ASIC2: variants seen among roughly 807,000 people sequenced by gnomAD.
ASIC2 encodes the protein acid-sensing ion channel 2.
ASIC2 carries 25 observed loss-of-function variants against 57.3 expected under a neutral mutation model. The observed-to-expected ratio is 0.44, with a 90% CI of 0.32 to 0.61. The LOEUF (loss-of-function observed/expected upper bound fraction) is 0.61, where lower values mean the gene tolerates loss of function less well. Ranked by LOEUF, ASIC2 falls within the 20% of genes least tolerant of loss-of-function variation. ASIC2 has a pLI of 0.06. For missense variants in ASIC2, 641 were observed against 738.1 expected, an observed-to-expected ratio of 0.87 and a Z score of 1.52; for synonymous variants, 319 against 307.5, an observed-to-expected ratio of 1.04 and a Z score of -0.39.
intron 1 of ASIC2, among the ~76,000 whole-genome samples, chr17:33,714,623 A>G (rs1909152287): frequency 6.6e-6 from 1 of 152,146 alleles, no homozygotes. Flanking sequence ...GAAGGAAATC[A>G]CCCAAGTTCA....
intron 1 of ASIC2, among the ~76,000 whole-genome samples, chr17:33,299,038 C>A (rs1393634011): frequency 1.3e-5 from 2 of 152,112 alleles, no homozygotes; most frequent in Admixed American, 6.5e-5. Flanking sequence ...AGATTCAATG[C>A]CATCCACATC....
chr17:33,633,155 C>G (rs1015756714), intron 1 of ASIC2, among the ~76,000 whole-genome samples: 1 of 152,206 alleles, frequency 6.6e-6, no homozygotes, highest in African/African-American at 2.4e-5. Context: ...AGGGAGTCAT[C>G]TGAGAGAGTG....
At chr17:33,460,157 G>A (rs1171528083) in intron 1 of ASIC2, among the ~76,000 whole-genome samples, 1 of 152,126 alleles carries the variant, frequency 6.6e-6, no homozygotes, top group East Asian at 1.9e-4. Context: ...TTGCTTTGGA[G>A]GAACAATCTC....
At chr17:33,590,191 C>T (rs1450360493) in intron 1 of ASIC2, among the ~76,000 whole-genome samples, 1 of 152,210 alleles carries the variant, frequency 6.6e-6, no homozygotes, top group Non-Finnish European at 1.5e-5. Context: ...CCTACTTCCA[C>T]CCCACCAAGG....
chr17:33,376,410 C>G (rs981131121), intron 1 of ASIC2, among the ~76,000 whole-genome samples: 2 of 151,938 alleles, frequency 1.3e-5, no homozygotes, highest in African/African-American at 4.8e-5. Flanking sequence ...GCACAACATG[C>G]AGGTTTGTTA....
At chr17:33,574,851 A>AT (rs10699380) in intron 1 of ASIC2, among the ~76,000 whole-genome samples, 33,674 of 143,020 alleles carry the variant, frequency 0.24, 3,898 homozygotes, top group South Asian at 0.37. Context: ...CTCTGTTTCT[A>AT]TTTTTTTTTT....
intron 1 of ASIC2, among the ~76,000 whole-genome samples, chr17:33,587,532 C>T (rs974637328): frequency 6.6e-5 from 10 of 152,206 alleles, no homozygotes; most frequent in Non-Finnish European, 1.0e-4. Flanking sequence ...ACATGCTCAG[C>T]GCTTGCCCAG....
chr17:33,203,382 C>T (rs1390361896), intron 1 of ASIC2, among the ~76,000 whole-genome samples: 2 of 152,188 alleles, frequency 1.3e-5, no homozygotes, highest in Non-Finnish European at 2.9e-5. Flanking sequence ...ACCCTGAGTC[C>T]AGCCCACACA....
At chr17:33,247,766 C>T (rs1264197539) in intron 1 of ASIC2, among the ~76,000 whole-genome samples, 2 of 152,020 alleles carry the variant, frequency 1.3e-5, no homozygotes, top group Non-Finnish European at 2.9e-5. Flanking sequence ...AGAACAAAGG[C>T]GGGTAAGTTT....
At chr17:33,213,063 A>G (rs574393549) in intron 1 of ASIC2, among the ~76,000 whole-genome samples, 7 of 152,384 alleles carry the variant, frequency 4.6e-5, no homozygotes, top group African/African-American at 1.4e-4. Flanking sequence ...GAGCCCATTA[A>G]AAGAGCATCC....
At chr17:34,049,592 G>A (rs1908470913) in intron 1 of ASIC2, among the ~76,000 whole-genome samples, 1 of 152,058 alleles carries the variant, frequency 6.6e-6, no homozygotes, top group Non-Finnish European at 1.5e-5. Flanking sequence ...GGTCACTCTG[G>A]CTTCCCACCT....
intron 1 of ASIC2, among the ~76,000 whole-genome samples, chr17:33,287,362 C>T (rs1905236644): frequency 6.6e-6 from 1 of 152,212 alleles, no homozygotes; most frequent in African/African-American, 2.4e-5. Flanking sequence ...TGCAGAGGAC[C>T]TCAGATTGGC....
intron 1 of ASIC2, among the ~76,000 whole-genome samples, chr17:33,122,859 C>A (rs1360920036): frequency 6.6e-6 from 1 of 152,154 alleles, no homozygotes; most frequent in Non-Finnish European, 1.5e-5. Context: ...TGGTAACCAG[C>A]AGTACAAATG....
At chr17:33,259,400 A>C (rs1909201330) in intron 1 of ASIC2, among the ~76,000 whole-genome samples, 1 of 152,174 alleles carries the variant, frequency 6.6e-6, no homozygotes, top group African/African-American at 2.4e-5. Flanking sequence ...TGTATTATAC[A>C]TGTGTAGATA....
At position 33,709,690 on chromosome 17, in the gene ASIC2, T is replaced by G. The variant is rs1190870899; in HGVS notation, c.555+446288A>C. On this transcript the variant is annotated intron_variant, in intron 1 of 9. Transcript: ENST00000359872. ...TCCTGGCCCAAACAATTTCTTAAAA[T>G]AAAAGATGATCAGTTAAGGGATTTA... Among the ~76,000 whole-genome samples the G allele has an allele frequency of 2.6e-5, 4 of 152,224 alleles. No homozygotes were observed. The South Asian group carries it at 8.3e-4, about 31-fold the overall frequency.
At chr17:33,148,414 T>C (rs1904652603) in intron 1 of ASIC2, among the ~76,000 whole-genome samples, 1 of 152,216 alleles carries the variant, frequency 6.6e-6, no homozygotes, top group Non-Finnish European at 1.5e-5. Flanking sequence ...TGTTCAATCC[T>C]ACCATGATTC....
intron 2 of ASIC2, among the ~76,000 whole-genome samples, chr17:33,093,212 C>T (rs1042294478): frequency 6.6e-6 from 1 of 152,190 alleles, no homozygotes; most frequent in African/African-American, 2.4e-5. Context: ...ACAGCAATCT[C>T]AAGAGCATTA....
intron 1 of ASIC2, among the ~76,000 whole-genome samples, chr17:33,552,373 T>G (rs769248924): frequency 3.2e-4 from 48 of 152,148 alleles, no homozygotes; most frequent in Non-Finnish European, 6.2e-4. Context: ...ACTGATAGAA[T>G]CAATACAATC....
At chr17:34,068,426 G>A (rs1278118436) in intron 1 of ASIC2, among the ~76,000 whole-genome samples, 2 of 152,272 alleles carry the variant, frequency 1.3e-5, no homozygotes, top group South Asian at 2.1e-4. Flanking sequence ...TCCCTGGTTC[G>A]ATAAGCTATT....
Sources: allele counts gnomAD v4.1 joint callset (sites outside exome capture counted in the v4.1 genomes callset), GRCh38; gene constraint gnomAD v4.1.1; transcripts MANE v1.5; gene names NCBI Gene and HGNC (gene_info 2026-07-23, HGNC 2026-07-21).